EBF4: variants seen among roughly 807,000 people sequenced by gnomAD.
EBF4 encodes transcription factor COE4.
In EBF4, 34 loss-of-function variants were observed where a neutral mutation model predicts 67.1. That is an observed-to-expected ratio of 0.51 (90% CI 0.39 to 0.67). The LOEUF (loss-of-function observed/expected upper bound fraction) is 0.67. Ranked by LOEUF, EBF4 falls within the 30% of genes least tolerant of loss-of-function variation. EBF4 has a pLI of 0.00. For missense variants in EBF4, 837 were observed against 873.3 expected, an observed-to-expected ratio of 0.96 and a Z score of 0.52; for synonymous variants, 387 against 377.7, an observed-to-expected ratio of 1.02 and a Z score of -0.29.
intron 1 of EBF4, among the ~76,000 whole-genome samples, chr20:2,695,103 ATTC>A (rs753038934): frequency 7.0e-6 from 1 of 143,782 alleles, no homozygotes; most frequent in Admixed American, 6.9e-5. Flanking sequence ...CCTCCTGCCT[ATTC>A]TTCTGTTGGT....
intron 1 of EBF4, among the ~76,000 whole-genome samples, chr20:2,697,469 C>A (rs1386165396): frequency 2.0e-5 from 3 of 151,430 alleles, no homozygotes; most frequent in Non-Finnish European, 4.4e-5. Flanking sequence ...GGCGTGAACC[C>A]GGGAGGCGGA....
chr20:2,696,882 C>T lies in EBF4; in HGVS notation c.137+3100C>T, dbSNP rs2087295967. ...TCTGCCTGTCCCGGTCCTCCTTGCC[C>T]TGCCAGCTGGGGCCTTCCCCTAAGG... On this transcript the variant is annotated intron_variant, in intron 1 of 16. Coordinates refer to ENST00000609451, the Ensembl canonical transcript of EBF4. The surrounding 1 kb of genome is among the most constrained non-coding windows in gnomAD (Gnocchi z 4.7). Among the ~76,000 whole-genome samples the T allele has an allele frequency of 6.6e-6, 1 of 152,208 alleles. No individual in the cohort carries two copies. The highest frequency in any genetic ancestry group is 1.5e-5 in the Non-Finnish European group (1 of 68,040).
intron 1 of EBF4, among the ~76,000 whole-genome samples, chr20:2,697,683 T>C (rs2146362995): frequency 6.6e-6 from 1 of 152,302 alleles, no homozygotes; most frequent in Non-Finnish European, 1.5e-5. Flanking sequence ...CAGGGAAGTC[T>C]GCACAAGGAC....
chr20:2,709,749 C>T lies in EBF4; in HGVS notation c.557+107C>T, dbSNP rs948817834. ...TCAAGGGAGGAGCGGAGCAGCCCCCCCGGGGCACCAGGTTGGGTGGCTCTG... is the reference window on the plus strand; with the variant it reads ...TCAAGGGAGGAGCGGAGCAGCCCCCTCGGGGCACCAGGTTGGGTGGCTCTG... On this transcript the variant is annotated intron_variant, in intron 6 of 16. Transcript: ENST00000609451. The T allele has an allele frequency of 3.4e-6, 4 of 1,174,052 alleles. No individual in the cohort carries two copies. The East Asian group carries it at 9.1e-5, about 27-fold the overall frequency. The allele number at this position is 1,174,052 out of a possible 1,614,324, so 72.7% of individuals were successfully genotyped here. A position where few individuals can be genotyped will look rare whatever the true frequency, so the allele number is the denominator to read the frequency against.
intron 15 of EBF4, among the ~76,000 whole-genome samples, chr20:2,757,158 C>G (rs894285471): frequency 6.6e-6 from 1 of 152,184 alleles, no homozygotes; most frequent in African/African-American, 2.4e-5. Flanking sequence ...GTGGAAAATG[C>G]TCTATGGAGC....
intron 6 of EBF4, among the ~76,000 whole-genome samples, chr20:2,744,492 C>CTTTTTTTTTTTTTT (rs35298353): frequency 2.4e-4 from 28 of 115,880 alleles, no homozygotes; most frequent in Admixed American, 5.4e-4. Context: ...TTTTTCTTTT[C>CTTTTTTTTTTTTTT]TTTTTTTTTT....
chr20:2,748,848 C>A (rs1316273915), intron 7 of EBF4, among the ~76,000 whole-genome samples: 1 of 152,234 alleles, frequency 6.6e-6, no homozygotes, highest in Non-Finnish European at 1.5e-5. Context: ...TCATTAGAGT[C>A]CCACTTAAGA....
At chr20:2,748,469 G>T in intron 6 of EBF4, 80 bp from the exon 7 acceptor site, 1 of 1,350,552 alleles carries the variant, frequency 7.4e-7, no homozygotes. Context: ...TGTGGGGAGG[G>T]GGCATGGCAG....
intron 14 of EBF4, among the ~76,000 whole-genome samples, chr20:2,754,388 A>G (rs1444421722): frequency 1.3e-5 from 2 of 152,142 alleles, no homozygotes; most frequent in Admixed American, 6.5e-5. Flanking sequence ...AACTCCCCAC[A>G]CTACCTACCC....
chr20:2,699,100 G>A (rs539221170), intron 1 of EBF4, among the ~76,000 whole-genome samples: 9 of 152,304 alleles, frequency 5.9e-5, no homozygotes, highest in Non-Finnish European at 7.4e-5. Flanking sequence ...CAGCTGCCGC[G>A]AAAAGGGCCC....
intron 1 of EBF4, among the ~76,000 whole-genome samples, 196 bp from the exon 2 acceptor site, chr20:2,705,381 A>C (rs6084135): frequency 0.26 from 39,748 of 152,100 alleles, 5,288 homozygotes; most frequent in East Asian, 0.36. Context: ...GGGGTGCCCT[A>C]GGTGCTGAGA....
rs1014248754 is a variant in EBF4 at position 2,693,749 on chromosome 20, C to T, written c.104C>T (p.Ala35Val). 7.4e-7 allele frequency: 1 copy of T among 1,345,600 alleles called. No homozygotes were observed. Among genetic ancestry groups the T allele is most frequent in the Non-Finnish European group, 9.5e-7 (1 of 1,051,380 alleles). 83.4% of individuals were successfully genotyped at this position (1,345,600 alleles called of 1,614,324 possible). The change falls in exon 1 of 17, where the codon GCG (alanine) becomes GTG (valine). Residue 35 changes from alanine to valine, a missense_variant. Transcript: ENST00000609451. The surrounding 1 kb of genome is among the most constrained non-coding windows in gnomAD (Gnocchi z 4.6). The stretch of plus-strand genomic sequence containing the variant: ...TCAGTGCGCTCCTGGATGCAGGGCG[C>T]GGGCATCCTGGACGCCAGCACCGCG...
chr20:2,746,892 T>G (rs1040623451), intron 6 of EBF4, among the ~76,000 whole-genome samples: 3 of 152,220 alleles, frequency 2.0e-5, no homozygotes, highest in African/African-American at 4.8e-5. Context: ...CAGGACCTAC[T>G]GCAGACGTTA....
At chr20:2,718,725 C>A (rs906903494) in intron 6 of EBF4, among the ~76,000 whole-genome samples, 3 of 152,062 alleles carry the variant, frequency 2.0e-5, no homozygotes, top group Admixed American at 1.3e-4. Context: ...CTAAACAAAC[C>A]AGCTTTTGGT....
intron 14 of EBF4, chr20:2,754,979 C>CGCCCG (rs1555789843): frequency 2.4e-5 from 3 of 123,930 alleles, no homozygotes; most frequent in African/African-American, 8.7e-5. Context: ...CACCCCCCCC[C>CGCCCG]ACAGGGCCCA....
intron 1 of EBF4, 118 bp from the exon 2 acceptor site, chr20:2,705,459 C>T: frequency 6.9e-7 from 1 of 1,441,256 alleles, no homozygotes. Flanking sequence ...GATTTTTTGC[C>T]CAAACTCTTG....
At chr20:2,718,276 T>G (rs927348697) in intron 6 of EBF4, among the ~76,000 whole-genome samples, 2 of 152,230 alleles carry the variant, frequency 1.3e-5, no homozygotes, top group East Asian at 1.9e-4. Flanking sequence ...TCTTTGGTTT[T>G]GGGATTGGGG....
At chr20:2,700,939 TTTGC>T (rs761726583) in intron 1 of EBF4, among the ~76,000 whole-genome samples, 1 of 152,226 alleles carries the variant, frequency 6.6e-6, no homozygotes, top group Non-Finnish European at 1.5e-5. Context: ...GGAAGTATCC[TTTGC>T]TTGAGCTTCT....
intron 16 of EBF4, 33 bp from the exon 17 acceptor site, chr20:2,759,235 C>T (rs530588149): frequency 3.7e-5 from 20 of 547,510 alleles, no homozygotes; most frequent in African/African-American, 1.3e-4. Context: ...CCTTCCTCCC[C>T]GACCTTCTTC....
Sources: allele counts gnomAD v4.1 joint callset (sites outside exome capture counted in the v4.1 genomes callset), GRCh38; gene constraint gnomAD v4.1.1; non-coding constraint Gnocchi (gnomAD v3.1); transcripts MANE v1.5; gene names NCBI Gene and HGNC (gene_info 2026-07-23, HGNC 2026-07-21).